The following MBTD1 variants were observed in gnomAD, a reference collection of about 807,000 sequenced individuals.
MBTD1 encodes mbt domain containing 1.
MBTD1 carries 24 observed loss-of-function variants against 87.8 expected under a neutral mutation model. The ratio of observed to expected loss-of-function variants is 0.27; its 90% CI spans 0.20 to 0.38. MBTD1 has a LOEUF of 0.38. Ranked by LOEUF, MBTD1 falls within the 10% of genes least tolerant of loss-of-function variation. MBTD1 has a pLI of 1.00. For synonymous variants in MBTD1, 237 were observed against 248.6 expected (o/e 0.95, Z 0.44); for missense variants, 436 against 760.2 (o/e 0.57, Z 5.02).
chr17:51,231,048 C>T (rs1211694394), intron 2 of MBTD1, among the ~76,000 whole-genome samples: 7 of 152,208 alleles, frequency 4.6e-5, no homozygotes, highest in Non-Finnish European at 1.0e-4. Context: ...AGCGATTCTT[C>T]TGCCTCAGCC....
chr17:51,234,400 CAAA>C (rs71149356), intron 2 of MBTD1, among the ~76,000 whole-genome samples: 3 of 68,674 alleles, frequency 4.4e-5, no homozygotes, highest in Admixed American at 1.7e-4. Flanking sequence ...TCCCCGTCTC[CAAA>C]AAAAAAAAAA....
At chr17:51,193,736 A>G (rs895544874) in intron 13 of MBTD1, among the ~76,000 whole-genome samples, 1 of 152,162 alleles carries the variant, frequency 6.6e-6, no homozygotes, top group Non-Finnish European at 1.5e-5. Flanking sequence ...CTCCTGCCTT[A>G]GCCTCTCTAG....
In MBTD1 at chr17:51,225,221, G is replaced by T; in HGVS notation, c.-48-12C>A. 1 of 1,451,808 alleles carries T rather than the reference G, an allele frequency of 6.9e-7. No homozygotes were observed. Among genetic ancestry groups the T allele is most frequent in the South Asian group, 1.5e-5 (1 of 68,448 alleles). The allele number at this position is 1,451,808 out of a possible 1,614,324, so 89.9% of individuals were successfully genotyped here. A position where few individuals can be genotyped will look rare whatever the true frequency, so the allele number is the denominator to read the frequency against. On this transcript the variant is annotated splice_polypyrimidine_tract_variant and intron_variant, in intron 2 of 16. Coordinates refer to ENST00000586178, the MANE Select transcript of MBTD1 (RefSeq NM_017643.3). ...GAAGAATGTTCAGTCTTTGAAGTAA[G>T]AGAAACCAGTGACACATGACACAAC...
chr17:51,259,334 C>T (rs1037379756), intron 1 of MBTD1, 128 bp from the exon 2 acceptor site: 37 of 1,007,698 alleles, frequency 3.7e-5, no homozygotes, highest in Non-Finnish European at 4.5e-5. Context: ...CTCTCCCGCA[C>T]GTGCCCACCC....
rs191393512 is a variant in MBTD1 at position 51,210,733 on chromosome 17, G to A, written c.487-3728C>T. On this transcript the variant is annotated intron_variant, in intron 6 of 16. Coordinates refer to ENST00000586178, the MANE Select transcript of MBTD1 (RefSeq NM_017643.3). ...ATTGTGCTACTGCACTCCAGCCTGG[G>A]CAACAGAGCAAGACTCTGTCTCAAA... Among the ~76,000 whole-genome samples, 3 of 150,952 alleles carry A rather than the reference G, an allele frequency of 2.0e-5. No individual in the cohort carries two copies. In the East Asian group the frequency reaches 5.9e-4, roughly 30 times the overall value.
At chr17:51,181,123 C>A (rs117762471) in intron 16 of MBTD1, among the ~76,000 whole-genome samples, 7,034 of 150,056 alleles carry the variant, frequency 0.047, 267 homozygotes, top group South Asian at 0.12. Context: ...CCGGTTCAAG[C>A]GGTTCTCCTG....
intron 2 of MBTD1, among the ~76,000 whole-genome samples, chr17:51,248,938 A>G (rs2054610468): frequency 6.6e-6 from 1 of 152,070 alleles, no homozygotes; most frequent in Admixed American, 6.6e-5. Flanking sequence ...TTTTTTGTGA[A>G]TATTCTGTGT....
intron 3 of MBTD1, 91 bp downstream of exon 3, chr17:51,224,917 T>C: frequency 2.6e-6 from 2 of 769,930 alleles, no homozygotes; most frequent in Non-Finnish European, 3.7e-6. Flanking sequence ...CCCTTAATAA[T>C]TCTAAGGAAG....
intron 14 of MBTD1, among the ~76,000 whole-genome samples, 173 bp from the exon 15 acceptor site, chr17:51,193,189 A>G (rs192381732): frequency 1.2e-3 from 178 of 152,366 alleles, no homozygotes; most frequent in African/African-American, 4.0e-3. Context: ...AAGTATTTAA[A>G]AACTAGTTAG....
chr17:51,249,222 T>C (rs1418504877), intron 2 of MBTD1, among the ~76,000 whole-genome samples: 1 of 152,058 alleles, frequency 6.6e-6, no homozygotes, highest in Non-Finnish European at 1.5e-5. Context: ...ATCATGCCAC[T>C]GTACTGCAGC....
At chr17:51,252,987 G>A (rs574542271) in intron 2 of MBTD1, among the ~76,000 whole-genome samples, 2 of 151,984 alleles carry the variant, frequency 1.3e-5, no homozygotes, top group South Asian at 2.1e-4. Context: ...AATGAAAGCA[G>A]TTGTCTCATC....
intron 2 of MBTD1, among the ~76,000 whole-genome samples, chr17:51,236,909 C>T (rs571015060): frequency 6.6e-5 from 10 of 152,028 alleles, no homozygotes; most frequent in Admixed American, 2.6e-4. Flanking sequence ...TGTAAGTTAA[C>T]GTAAGAGTTC....
chr17:51,195,403 CACT>C, intron 12 of MBTD1, 42 bp from the exon 13 acceptor site: 1 of 1,467,120 alleles, frequency 6.8e-7, no homozygotes, highest in Non-Finnish European at 9.2e-7. Flanking sequence ...AATTAGATAC[CACT>C]ATTATAAAAA....
intron 2 of MBTD1, chr17:51,251,697 T>C (rs2054796026): frequency 6.6e-6 from 1 of 152,240 alleles, no homozygotes; most frequent in Non-Finnish European, 1.5e-5. Context: ...TCTCTATTTA[T>C]AGGCAGAGAA....
At chr17:51,192,757 A>G in intron 15 of MBTD1, 25 bp downstream of exon 15, 1 of 1,610,338 alleles carries the variant, frequency 6.2e-7, no homozygotes, top group Non-Finnish European at 8.5e-7. Context: ...TTACAAAAGG[A>G]CACCTTTTCT....
chr17:51,217,295 C>T (rs1399760914), intron 6 of MBTD1, 39 bp downstream of exon 6: 2 of 1,176,620 alleles, frequency 1.7e-6, no homozygotes, highest in South Asian at 2.9e-5. Context: ...TAAACAATGA[C>T]TAAGTACTTC....
At chr17:51,215,852 A>C (rs900886294) in intron 6 of MBTD1, among the ~76,000 whole-genome samples, 6 of 152,082 alleles carry the variant, frequency 3.9e-5, no homozygotes, top group African/African-American at 1.4e-4. Flanking sequence ...AATCAGTGAA[A>C]ATTCACTTAG....
At chr17:51,185,103 C>T (rs1162789863) in intron 16 of MBTD1, 3 of 152,088 alleles carry the variant, frequency 2.0e-5, no homozygotes, top group Non-Finnish European at 4.4e-5. Flanking sequence ...ACAAGAAAAC[C>T]CCCATAGGTG....
chr17:51,185,313 T>C (rs2050486422), intron 16 of MBTD1: 1 of 152,262 alleles, frequency 6.6e-6, no homozygotes, highest in South Asian at 2.1e-4. Flanking sequence ...TCTGTACTCA[T>C]GCCTGAAGTT....
Sources: gnomAD v4.1 joint callset for allele counts (sites outside exome capture counted in the v4.1 genomes callset) on GRCh38, gnomAD v4.1.1 for gene constraint, MANE v1.5 for transcripts, NCBI Gene and HGNC (gene_info 2026-07-23, HGNC 2026-07-21) for gene names.